SPPL3: variants seen among roughly 807,000 people sequenced by gnomAD.
The protein encoded by SPPL3 is signal peptide peptidase-like 3.
In SPPL3, 5 loss-of-function variants were observed where a neutral mutation model predicts 42.4. The ratio of observed to expected loss-of-function variants is 0.12; its 90% CI spans 0.06 to 0.25. The LOEUF (loss-of-function observed/expected upper bound fraction) is 0.25, where lower values mean the gene tolerates loss of function less well. SPPL3 is among the 10% of genes least tolerant of loss of function. SPPL3 has a pLI of 1.00. For synonymous variants in SPPL3, 195 were observed against 181.8 expected (o/e 1.07, Z -0.58); for missense variants, 235 against 489.0 (o/e 0.48, Z 4.90).
chr12:120,842,592 G>A (rs1315513919), intron 1 of SPPL3, among the ~76,000 whole-genome samples: 1 of 152,072 alleles, frequency 6.6e-6, no homozygotes, highest in East Asian at 1.9e-4. Flanking sequence ...TCAGGTGCCA[G>A]TAGATTCTGT....
At chr12:120,892,778 C>G (rs533788668) in intron 1 of SPPL3, among the ~76,000 whole-genome samples, 4 of 151,806 alleles carry the variant, frequency 2.6e-5, no homozygotes, top group Non-Finnish European at 5.9e-5. Flanking sequence ...GTCAGGAGAT[C>G]GAGACCATCC....
At chr12:120,768,277 G>C (rs746976400) in intron 8 of SPPL3, 48 bp downstream of exon 8, 2 of 1,571,028 alleles carry the variant, frequency 1.3e-6, no homozygotes, top group Admixed American at 3.6e-5. Context: ...GCCGGGAACA[G>C]ATAGGCACAG....
intron 1 of SPPL3, among the ~76,000 whole-genome samples, chr12:120,885,571 T>TA (rs1873427039): frequency 6.6e-6 from 1 of 152,218 alleles, no homozygotes; most frequent in African/African-American, 2.4e-5. Flanking sequence ...CAAATCCTGT[T>TA]AAAGTATTTG....
chr12:120,875,840 T>C (rs1037502075), intron 1 of SPPL3, among the ~76,000 whole-genome samples: 1 of 152,124 alleles, frequency 6.6e-6, no homozygotes, highest in Admixed American at 6.6e-5. Context: ...TCCGGCCACA[T>C]GCTATGTATA....
At chr12:120,894,492 T>G (rs1873740073) in intron 1 of SPPL3, among the ~76,000 whole-genome samples, 1 of 152,214 alleles carries the variant, frequency 6.6e-6, no homozygotes, top group African/African-American at 2.4e-5. Context: ...TCAGGCACTG[T>G]ACGTAGGTCA....
At chr12:120,843,083 G>A (rs574636205) in intron 1 of SPPL3, among the ~76,000 whole-genome samples, 3 of 152,154 alleles carry the variant, frequency 2.0e-5, no homozygotes, top group African/African-American at 7.2e-5. Flanking sequence ...GATACAAGAG[G>A]ACCTCTGTGC....
At chr12:120,895,430 A>C (rs1873771508) in intron 1 of SPPL3, among the ~76,000 whole-genome samples, 1 of 151,364 alleles carries the variant, frequency 6.6e-6, no homozygotes, top group Non-Finnish European at 1.5e-5. Context: ...TCCATCTCAA[A>C]AAAAAAAAAA....
chr12:120,861,476 C>G lies in SPPL3; in HGVS notation c.23+42369G>C, dbSNP rs910505865. On this transcript the variant is annotated intron_variant, in intron 1 of 10. Coordinates refer to ENST00000353487, the MANE Select transcript of SPPL3 (RefSeq NM_139015.5). The stretch of plus-strand genomic sequence containing the variant: ...TAAGATTTTTTTTTATCAGTGTGGT[C>G]TATATTTCATCTAGCTACTCCAGCA... Among the ~76,000 whole-genome samples the G allele has an allele frequency of 2.6e-5, 4 of 152,234 alleles. No homozygotes were observed. The East Asian group carries it at 5.8e-4, about 22-fold the overall frequency.
intron 1 of SPPL3, among the ~76,000 whole-genome samples, chr12:120,833,973 A>G (rs1324256931): frequency 6.6e-6 from 1 of 152,144 alleles, no homozygotes; most frequent in Non-Finnish European, 1.5e-5. Flanking sequence ...CTTTGAGAAT[A>G]AGCATGCATA....
intron 1 of SPPL3, among the ~76,000 whole-genome samples, chr12:120,820,433 A>C (rs908610680): frequency 1.3e-5 from 2 of 148,610 alleles, no homozygotes; most frequent in African/African-American, 5.0e-5. Context: ...CTCCTGCCTC[A>C]GCCTCCTGAG....
At chr12:120,769,378 T>C in intron 6 of SPPL3, 1 of 231,050 alleles carries the variant, frequency 4.3e-6, no homozygotes, top group Non-Finnish European at 8.6e-6. Context: ...TTGTCCTTGC[T>C]CCCTGCTTTA....
intron 1 of SPPL3, among the ~76,000 whole-genome samples, chr12:120,877,332 A>T (rs895779876): frequency 3.3e-5 from 5 of 152,242 alleles, no homozygotes; most frequent in East Asian, 1.9e-4. Context: ...CTTCCAGAAG[A>T]GGACAGAAAA....
intron 1 of SPPL3, among the ~76,000 whole-genome samples, chr12:120,892,754 G>A (rs1873680788): frequency 1.3e-5 from 2 of 152,052 alleles, no homozygotes; most frequent in Non-Finnish European, 2.9e-5. Flanking sequence ...AGACCAAGGC[G>A]GGTGCATCAC....
intron 1 of SPPL3, among the ~76,000 whole-genome samples, chr12:120,816,169 T>A (rs368384449): frequency 1.4e-4 from 21 of 152,118 alleles, no homozygotes; most frequent in African/African-American, 4.1e-4. Flanking sequence ...AATATAAGAG[T>A]GTGACTAAGG....
At chr12:120,778,518 A>T (rs558779072) in intron 6 of SPPL3, among the ~76,000 whole-genome samples, 19 of 152,244 alleles carry the variant, frequency 1.2e-4, no homozygotes, top group African/African-American at 4.6e-4. Flanking sequence ...GAGAATGGTC[A>T]CATCACCCCC....
Position 120,876,641 on chromosome 12 carries a change from A to AAAG in SPPL3, c.23+27201_23+27203dup, listed in dbSNP as rs1183904693. ...CAAAAAAAAAAAAAAAAAAAAGAAGAAAGAAAATATTTTGACTTGAATGAA... is the reference window on the plus strand; with the variant it reads ...CAAAAAAAAAAAAAAAAAAAAGAAGAAAGAAGAAAATATTTTGACTTGAATGAA... On this transcript the variant is annotated intron_variant, in intron 1 of 10. Transcript: ENST00000353487. Among the ~76,000 whole-genome samples the AAAG allele has an allele frequency of 1.2e-4, 18 of 150,748 alleles. No individual in the cohort carries two copies. In the East Asian group the frequency reaches 2.9e-3, roughly 25 times the overall value.
chr12:120,829,222 A>T (rs1871321277), intron 1 of SPPL3, among the ~76,000 whole-genome samples: 1 of 152,228 alleles, frequency 6.6e-6, no homozygotes, highest in Non-Finnish European at 1.5e-5. Context: ...TCTTTGTGAC[A>T]TTGGGTTAGG....
intron 1 of SPPL3, among the ~76,000 whole-genome samples, chr12:120,852,301 ATC>A (rs1334512430): frequency 4.0e-5 from 6 of 148,182 alleles, no homozygotes; most frequent in African/African-American, 1.2e-4. Flanking sequence ...AAAGATATAT[ATC>A]TTTATTATAT....
At chr12:120,876,580 G>A (rs1353118405) in intron 1 of SPPL3, among the ~76,000 whole-genome samples, 1 of 127,254 alleles carries the variant, frequency 7.9e-6, no homozygotes, top group Non-Finnish European at 1.6e-5. Context: ...TCGCGCCACT[G>A]CACTCCAGCC....
Sources: allele counts gnomAD v4.1 joint callset (sites outside exome capture counted in the v4.1 genomes callset), GRCh38; gene constraint gnomAD v4.1.1; transcripts MANE v1.5; gene names NCBI Gene and HGNC (gene_info 2026-07-23, HGNC 2026-07-21).